Variants in PGK1 observed in about 807,000 individuals in gnomAD.
The protein encoded by PGK1 is phosphoglycerate kinase 1.
In PGK1, 3 loss-of-function variants were observed where a neutral mutation model predicts 26.9. The ratio of observed to expected loss-of-function variants is 0.11; its 90% confidence interval spans 0.05 to 0.29. The LOEUF is 0.29. PGK1 is among the 10% of genes least tolerant of loss of function. PGK1 has a pLI of 1.00. For synonymous variants in PGK1, 125 were observed against 115.3 expected (o/e 1.08, Z -0.54); for missense variants, 270 against 314.7 (o/e 0.86, Z 1.07).
intron 4 of PGK1, among the ~76,000 whole-genome samples, chrX:78,116,859 T>C (rs1480043971): frequency 3.6e-5 from 4 of 111,997 alleles, no homozygotes; most frequent in African/African-American, 1.3e-4. Context: ...TTGCCCTTGT[T>C]GCTTTTATGA....
chrX:78,104,454 T>G (rs782400066), intron 1 of PGK1, 49 bp downstream of exon 1: 2 of 984,188 alleles, frequency 2.0e-6, no homozygotes, highest in South Asian at 3.9e-5. Flanking sequence ...GTCGCAAACC[T>G]CTTTGGCCGG....
rs1420816933 is a variant in PGK1 at position 78,127,742 on chromosome X, A to AT, written c.*1915dup. 1 of 112,175 alleles carries AT rather than the reference A, an allele frequency of 8.9e-6. No homozygotes were observed. Among genetic ancestry groups the AT allele is most frequent in the African/African-American group, 3.2e-5 (1 of 30,870 alleles). 9.2% of individuals were successfully genotyped at this position (112,175 alleles called of 1,213,427 possible). On this transcript the variant is annotated 3_prime_UTR_variant, in exon 11 of 11. Transcript: ENST00000373316. ...GGTGGTTGCTCTAAACAAAACAGAAATTTGAAAGCTCAAGTTTTTTCTTCA... is the reference window on the plus strand; with the variant it reads ...GGTGGTTGCTCTAAACAAAACAGAAATTTTGAAAGCTCAAGTTTTTTCTTCA...
chrX:78,123,474 C>G, intron 8 of PGK1, 100 bp downstream of exon 8: 2 of 663,640 alleles, frequency 3.0e-6, no homozygotes, highest in Non-Finnish European at 2.4e-6. Context: ...AAAACAATCT[C>G]TATAGGAGAT....
chrX:78,126,102 A>G lies in PGK1; in HGVS notation c.*272A>G, dbSNP rs2078382144. 2 of 381,619 alleles carry G rather than the reference A, an allele frequency of 5.2e-6. No homozygotes were observed. Among genetic ancestry groups the G allele is most frequent in the Non-Finnish European group, 9.2e-6 (2 of 217,361 alleles). 31.4% of individuals were successfully genotyped at this position (381,619 alleles called of 1,213,427 possible). On this transcript the variant is annotated 3_prime_UTR_variant, in exon 11 of 11. Transcript: ENST00000373316. ...GCATATATTTATATTTTGCCTGTTAAAAAGAAAGTGAGCAGTGTTAGCTTA... is the reference window on the plus strand; with the variant it reads ...GCATATATTTATATTTTGCCTGTTAGAAAGAAAGTGAGCAGTGTTAGCTTA...
intron 4 of PGK1, among the ~76,000 whole-genome samples, chrX:78,115,632 C>G (rs2078322807): frequency 9.0e-6 from 1 of 111,608 alleles, no homozygotes; most frequent in African/African-American, 3.3e-5. Flanking sequence ...CCAGCCTGGG[C>G]AACAGAGCAA....
intron 4 of PGK1, among the ~76,000 whole-genome samples, chrX:78,116,620 C>T (rs1360517656): frequency 1.8e-5 from 2 of 112,572 alleles, no homozygotes; most frequent in Admixed American, 9.3e-5. Context: ...TGCTTATCCT[C>T]CCATCTTGCT....
chrX:78,105,667 C>G (rs1304418758), intron 1 of PGK1, among the ~76,000 whole-genome samples: 2 of 111,773 alleles, frequency 1.8e-5, no homozygotes, highest in Non-Finnish European at 3.8e-5. Flanking sequence ...CTCTCCTCTT[C>G]TCTCTAATTT....
At chrX:78,119,468 A>T (rs1489029349) in intron 6 of PGK1, among the ~76,000 whole-genome samples, 2 of 111,602 alleles carry the variant, frequency 1.8e-5, no homozygotes, top group Non-Finnish European at 3.8e-5. Flanking sequence ...TTCTATGAGC[A>T]GGGTTTTTTC....
chrX:78,117,242 T>C, intron 4 of PGK1, 70 bp from the exon 5 acceptor site: 2 of 736,447 alleles, frequency 2.7e-6, no homozygotes, highest in Non-Finnish European at 4.3e-6. Context: ...AAGAGGACTC[T>C]TGGTGTATGA....
chrX:78,123,147 G>A, intron 7 of PGK1, 48 bp from the exon 8 acceptor site: 1 of 1,018,697 alleles, frequency 9.8e-7, no homozygotes, highest in Non-Finnish European at 1.4e-6. Flanking sequence ...AGGCAGTCTT[G>A]TTCTTAGTAT....
In PGK1 at chrX:78,127,763, C is replaced by A. The variant is rs1883779189; in HGVS notation, c.*1933C>A. The A allele has an allele frequency of 8.9e-6, 1 of 112,080 alleles. No individual in the cohort carries two copies. The highest frequency in any genetic ancestry group is 3.2e-5 in the African/African-American group (1 of 30,858). The allele number at this position is 112,080 out of a possible 1,213,427, so 9.2% of individuals were successfully genotyped here. On this transcript the variant is annotated 3_prime_UTR_variant, in exon 11 of 11. Transcript: ENST00000373316. ...AGAAATTTGAAAGCTCAAGTTTTTT[C>A]TTCATTTGTATTTTAGTTAATACTG...
chrX:78,108,117 A>C (rs1022257474), intron 1 of PGK1, among the ~76,000 whole-genome samples: 5 of 111,860 alleles, frequency 4.5e-5, no homozygotes, highest in African/African-American at 1.6e-4. Flanking sequence ...TCCAGAGGGC[A>C]TTGAGGAGAG....
At chrX:78,110,508 C>G (rs781826085) in intron 2 of PGK1, among the ~76,000 whole-genome samples, 1 of 109,088 alleles carries the variant, frequency 9.2e-6, no homozygotes, top group South Asian at 4.0e-4. Context: ...TGCGGTGGCT[C>G]ACATCTGTAA....
intron 4 of PGK1, among the ~76,000 whole-genome samples, chrX:78,116,236 G>C (rs1402957999): frequency 2.7e-5 from 3 of 111,464 alleles, no homozygotes; most frequent in Admixed American, 9.5e-5. Context: ...ACTTCCCAAA[G>C]GTGACACAAT....
chrX:78,106,575 C>G, intron 1 of PGK1: 1 of 752,643 alleles, frequency 1.3e-6, no homozygotes, highest in Non-Finnish European at 1.6e-6. Context: ...TAGTGGCTGC[C>G]TCATTTGTCG....
At position 78,128,404 on chromosome X, in the gene PGK1, G is replaced by C. The variant is rs782522201; in HGVS notation, c.*2574G>C. 1 of 112,649 alleles carries C rather than the reference G, an allele frequency of 8.9e-6. No homozygotes were observed. Among genetic ancestry groups the C allele is most frequent in the African/African-American group, 3.2e-5 (1 of 31,000 alleles). 9.3% of individuals were successfully genotyped at this position (112,649 alleles called of 1,213,427 possible). ...CCAAAAATACAAAAATTAGCCGGGC[G>C]TGGTGGCGTGTGCCACTGTAGTCCC... On this transcript the variant is annotated 3_prime_UTR_variant, in exon 11 of 11. Transcript: ENST00000373316.
chrX:78,124,795 T>G, intron 8 of PGK1, 79 bp from the exon 9 acceptor site: 2 of 857,384 alleles, frequency 2.3e-6, no homozygotes, highest in South Asian at 2.0e-5. Context: ...TGTGCAGCCC[T>G]GAGTTCTGGT....
At chrX:78,109,810 C>A in intron 1 of PGK1, 57 bp from the exon 2 acceptor site, 1 of 798,313 alleles carries the variant, frequency 1.3e-6, no homozygotes, top group Non-Finnish European at 1.9e-6. Context: ...AAAAATGCAT[C>A]TCCTAGTCTT....
intron 6 of PGK1, among the ~76,000 whole-genome samples, chrX:78,118,572 G>T (rs1005170702): frequency 7.3e-5 from 8 of 109,386 alleles, no homozygotes; most frequent in Non-Finnish European, 1.1e-4. Flanking sequence ...GAGCAAGACC[G>T]TTTCTAAATA....
Sources: allele counts gnomAD v4.1 joint callset (sites outside exome capture counted in the v4.1 genomes callset), GRCh38; gene constraint gnomAD v4.1.1; transcripts MANE v1.5; gene names NCBI Gene and HGNC (gene_info 2026-07-23, HGNC 2026-07-21).